HSF5: variants seen among roughly 807,000 people sequenced by gnomAD.
The protein encoded by HSF5 is heat shock transcription factor 5.
In HSF5, 5 loss-of-function variants were observed where a neutral mutation model predicts 50.8. The ratio of observed to expected loss-of-function variants is 0.10; its 90% CI spans 0.05 to 0.21. The LOEUF is 0.21. HSF5 is among the 10% of genes least tolerant of loss of function. HSF5 has a pLI of 1.00. For synonymous variants in HSF5, 307 were observed against 307.4 expected, an observed-to-expected ratio of 1.00 and a Z score of 0.02; for missense variants, 564 against 762.6, an observed-to-expected ratio of 0.74 and a Z score of 3.07.
chr17:58,458,207 G>T (rs1462570634), intron 5 of HSF5, among the ~76,000 whole-genome samples: 1 of 152,142 alleles, frequency 6.6e-6, no homozygotes, highest in Non-Finnish European at 1.5e-5. Context: ...ATATGATTTT[G>T]TCTTATTAGA....
chr17:58,462,653 C>T, intron 4 of HSF5, 129 bp downstream of exon 4: 1 of 852,770 alleles, frequency 1.2e-6, no homozygotes, highest in Non-Finnish European at 1.8e-6. Context: ...GGACATGATC[C>T]TCCTGGAAAC....
rs796238281 is a variant in HSF5, at chr17:58,480,134, A to T, written c.684T>A (p.His228Gln). Residue 228 changes from histidine (H) to glutamine (Q), a missense_variant, in exon 2 of 6, where the codon CAT (histidine) becomes CAA (glutamine). His to Gln is a conservative substitution (Grantham distance 24). Coordinates refer to ENST00000323777, the MANE Select transcript of HSF5 (RefSeq NM_001080439.3). ...LKGLDRTPVPHRIWQNSLGMH... is the reference protein window; with the variant it reads ...LKGLDRTPVPQRIWQNSLGMH... ...TTCCAAGGGAGTTCTGCCATATTCT[A>T]TGAGGAACTGGGGTCCGATCTAAAC... 1 of 1,614,188 alleles carries T rather than the reference A, an allele frequency of 6.2e-7. No homozygotes were observed. Among genetic ancestry groups the T allele is most frequent in the Non-Finnish European group, 8.5e-7 (1 of 1,180,024 alleles).
chr17:58,463,906 T>C (rs1974828196), intron 3 of HSF5, among the ~76,000 whole-genome samples: 1 of 152,376 alleles, frequency 6.6e-6, no homozygotes, highest in East Asian at 1.9e-4. Context: ...TTCCCTTGTA[T>C]ATACTGCTTT....
At chr17:58,443,183 A>AT (rs1974519916) in intron 5 of HSF5, among the ~76,000 whole-genome samples, 1 of 151,846 alleles carries the variant, frequency 6.6e-6, no homozygotes, top group African/African-American at 2.4e-5. Flanking sequence ...TAATTTTTGT[A>AT]TTTTTTAGTA....
At chr17:58,486,902 CTTTTTTTTT>C (rs11351236) in intron 1 of HSF5, among the ~76,000 whole-genome samples, 840 of 79,986 alleles carry the variant, frequency 0.011, 17 homozygotes, top group African/African-American at 0.038. Context: ...TAAGTTCTCT[CTTTTTTTTT>C]TTTTTTTTTT....
intron 5 of HSF5, among the ~76,000 whole-genome samples, chr17:58,427,993 C>T (rs1974316511): frequency 6.6e-6 from 1 of 152,248 alleles, no homozygotes; most frequent in African/African-American, 2.4e-5. Flanking sequence ...AAATGCACGG[C>T]TGTGACTGCA....
rs948694114 is a variant in HSF5 at position 58,479,807 on chromosome 17, T to C, written c.925+86A>G. 8.3e-6 allele frequency: 10 copies of C among 1,203,590 alleles called. No individual in the cohort carries two copies. The Admixed American group carries it at 9.3e-5, about 11-fold the overall frequency. The allele number at this position is 1,203,590 out of a possible 1,614,324, so 74.6% of individuals were successfully genotyped here. On this transcript the variant is annotated intron_variant, in intron 2 of 5. Transcript: ENST00000323777. ...TTCCTACTGTTTGTGTTAAAGCACA[T>C]AGACATTAAAATGCATTTAAAATAT...
chr17:58,452,478 G>T (rs971338088), intron 5 of HSF5, among the ~76,000 whole-genome samples: 1 of 152,098 alleles, frequency 6.6e-6, no homozygotes, highest in Non-Finnish European at 1.5e-5. Flanking sequence ...AACCTGAAAA[G>T]ACCAATAATG....
chr17:58,480,014 T>C lies in HSF5; in HGVS notation c.804A>G (p.Thr268=), dbSNP rs1053814187. Residue 268 remains threonine (T), a synonymous_variant, in exon 2 of 6, where the codon ACA becomes ACG. Coordinates refer to ENST00000323777, the MANE Select transcript of HSF5 (RefSeq NM_001080439.3). ...LQRFPTEVTY[T]LQPSTTSVHV... is the part of the protein sequence containing the mutation. Reference sequence around the variant, plus strand: ...GTACAGATGTGGTGCTGGGCTGCAGTGTATAGGTAACCTCAGTTGGAAACC... The same window carrying C: ...GTACAGATGTGGTGCTGGGCTGCAGCGTATAGGTAACCTCAGTTGGAAACC... The C allele has an allele frequency of 3.1e-6, 5 of 1,613,932 alleles. No homozygotes were observed. Among genetic ancestry groups the C allele is most frequent in the Middle Eastern group, 1.6e-4 (1 of 6,084 alleles).
intron 5 of HSF5, among the ~76,000 whole-genome samples, chr17:58,452,504 G>C (rs1227795561): frequency 6.6e-6 from 1 of 152,044 alleles, no homozygotes; most frequent in Non-Finnish European, 1.5e-5. Flanking sequence ...TAATATCAAA[G>C]CAGTAATAAA....
chr17:58,465,586 A>T (rs1974854234), intron 3 of HSF5, among the ~76,000 whole-genome samples: 1 of 150,564 alleles, frequency 6.6e-6, no homozygotes, highest in South Asian at 2.1e-4. Flanking sequence ...TCCAAACAAC[A>T]ATCTGATTAT....
At chr17:58,439,121 T>C (rs1159233038) in intron 5 of HSF5, among the ~76,000 whole-genome samples, 40 of 150,810 alleles carry the variant, frequency 2.7e-4, no homozygotes, top group Non-Finnish European at 4.4e-5. Flanking sequence ...AGTGAGACCC[T>C]GCCTCAAAAA....
chr17:58,459,152 A>C (rs1338549148), intron 4 of HSF5, among the ~76,000 whole-genome samples: 1 of 152,122 alleles, frequency 6.6e-6, no homozygotes, highest in African/African-American at 2.4e-5. Context: ...TTATGATCAG[A>C]GGAATATCTA....
In HSF5 at chr17:58,421,167, C is replaced by T. The variant is rs1282530870; in HGVS notation, c.*1193G>A. 1 of 152,492 alleles carries T rather than the reference C, an allele frequency of 6.6e-6. No individual in the cohort carries two copies. Among genetic ancestry groups the T allele is most frequent in the Admixed American group, 6.5e-5 (1 of 15,270 alleles). The allele number at this position is 152,492 out of a possible 1,614,324, so 9.4% of individuals were successfully genotyped here. On this transcript the variant is annotated 3_prime_UTR_variant, in exon 6 of 6. Transcript: ENST00000323777. ...ACAGAAACTGGACATCCAAGACATC[C>T]TTCTCTCCTAAAACACAGTCCCACA...
chr17:58,483,451 C>T (rs2143811239), intron 1 of HSF5, among the ~76,000 whole-genome samples: 1 of 152,254 alleles, frequency 6.6e-6, no homozygotes, highest in African/African-American at 2.4e-5. Flanking sequence ...CATTACAGAG[C>T]ATCACCTATA....
intron 5 of HSF5, among the ~76,000 whole-genome samples, chr17:58,427,069 T>A (rs1287961692): frequency 6.6e-6 from 1 of 151,992 alleles, no homozygotes; most frequent in Non-Finnish European, 1.5e-5. Context: ...CTAGGCAACA[T>A]GGTGAAACCC....
At chr17:58,461,141 G>A (rs1395634807) in intron 4 of HSF5, among the ~76,000 whole-genome samples, 2 of 151,822 alleles carry the variant, frequency 1.3e-5, no homozygotes, top group Admixed American at 6.6e-5. Context: ...TTGAACCCAG[G>A]AGGTGGAGGT....
intron 5 of HSF5, among the ~76,000 whole-genome samples, chr17:58,431,960 T>C (rs1361731452): frequency 6.6e-6 from 1 of 152,140 alleles, no homozygotes; most frequent in African/African-American, 2.4e-5. Context: ...TACTGTTTAA[T>C]GGGTATAGAG....
chr17:58,424,098 A>C (rs915780244), intron 5 of HSF5, among the ~76,000 whole-genome samples: 1 of 152,232 alleles, frequency 6.6e-6, no homozygotes. Flanking sequence ...ACCTAGCCAT[A>C]TAGAACAAGT....
Sources: allele counts gnomAD v4.1 joint callset (sites outside exome capture counted in the v4.1 genomes callset), GRCh38; gene constraint gnomAD v4.1.1; transcripts MANE v1.5; gene names NCBI Gene and HGNC (gene_info 2026-07-23, HGNC 2026-07-21).